MCF2: variants seen among roughly 807,000 people sequenced by gnomAD.
The protein encoded by MCF2 is proto-oncogene DBL.
A neutral mutation model predicts 82.5 loss-of-function variants in MCF2; 44 were observed. The ratio of observed to expected loss-of-function variants is 0.53; its 90% CI spans 0.42 to 0.69. MCF2 has a LOEUF of 0.69. Ranked by LOEUF, MCF2 falls within the 30% of genes least tolerant of loss-of-function variation. The pLI is 0.00. For synonymous variants in MCF2, 217 were observed against 224.9 expected (o/e 0.96, Z 0.32); for missense variants, 623 against 663.1 (o/e 0.94, Z 0.66).
chrX:139,671,781 TG>T (rs1159369684), intron 1 of MCF2, among the ~76,000 whole-genome samples: 2 of 112,006 alleles, frequency 1.8e-5, no homozygotes, highest in African/African-American at 6.5e-5. Flanking sequence ...GGCTTAGGAT[TG>T]TCTAGGCAAT....
intron 19 of MCF2, among the ~76,000 whole-genome samples, chrX:139,592,708 G>A (rs750924437): frequency 8.9e-6 from 1 of 111,754 alleles, no homozygotes; most frequent in African/African-American, 3.2e-5. Context: ...TAAAATCAAA[G>A]GAGCAACTGG....
intron 16 of MCF2, among the ~76,000 whole-genome samples, chrX:139,602,141 C>T (rs1334359749): frequency 9.0e-6 from 1 of 110,555 alleles, no homozygotes; most frequent in Non-Finnish European, 1.9e-5. Context: ...TCTTCATCTT[C>T]CATAGTATAA....
At chrX:139,595,686 C>T (rs1419059856) in intron 19 of MCF2, among the ~76,000 whole-genome samples, 1 of 107,089 alleles carries the variant, frequency 9.3e-6, no homozygotes, top group Admixed American at 1.0e-4. Flanking sequence ...ATGTAACTAA[C>T]CTGCACATTG....
intron 1 of MCF2, among the ~76,000 whole-genome samples, chrX:139,687,902 G>A (rs182728910): frequency 2.5e-4 from 28 of 111,696 alleles, no homozygotes; most frequent in African/African-American, 8.1e-4. Context: ...CATTAGTTGA[G>A]GTAGATTCCC....
intron 1 of MCF2, among the ~76,000 whole-genome samples, chrX:139,657,170 T>C (rs1373930172): frequency 1.8e-5 from 2 of 112,260 alleles, no homozygotes; most frequent in Non-Finnish European, 3.8e-5. Flanking sequence ...CACAATCAGA[T>C]ACAAATTGAA....
At chrX:139,701,313 C>T (rs965564517) in intron 1 of MCF2, among the ~76,000 whole-genome samples, 1 of 111,819 alleles carries the variant, frequency 8.9e-6, no homozygotes, top group Admixed American at 9.5e-5. Flanking sequence ...GTTACTTTTA[C>T]GTGTCAACTT....
intron 4 of MCF2, among the ~76,000 whole-genome samples, chrX:139,629,449 C>T (rs1603293743): frequency 8.9e-6 from 1 of 112,206 alleles, no homozygotes. Context: ...TCTTTTTCTG[C>T]AGCATTTATA....
chrX:139,597,120 T>G (rs916251933), intron 18 of MCF2, among the ~76,000 whole-genome samples: 1 of 111,438 alleles, frequency 9.0e-6, no homozygotes, highest in African/African-American at 3.3e-5. Flanking sequence ...ACACAAGTGC[T>G]AAAGATTTGA....
At chrX:139,681,305 G>A (rs1466967557) in intron 1 of MCF2, among the ~76,000 whole-genome samples, 1 of 111,440 alleles carries the variant, frequency 9.0e-6, no homozygotes, top group Non-Finnish European at 1.9e-5. Context: ...TGATAGCAGC[G>A]GCTGATGCTG....
intron 12 of MCF2, 111 bp from the exon 17 acceptor site, chrX:139,605,890 T>C (rs1930964953): frequency 1.9e-6 from 1 of 530,829 alleles, no homozygotes; most frequent in Non-Finnish European, 2.9e-6. Flanking sequence ...ATAGGAATTA[T>C]CAATGGTTTT....
intron 2 of MCF2, among the ~76,000 whole-genome samples, chrX:139,631,804 T>G (rs1217934740): frequency 8.9e-6 from 1 of 111,875 alleles, no homozygotes; most frequent in Non-Finnish European, 1.9e-5. Context: ...TCTAAAAGAA[T>G]GCTATGCTCA....
At chrX:139,655,820 A>C (rs1051503145) in intron 1 of MCF2, among the ~76,000 whole-genome samples, 12 of 111,362 alleles carry the variant, frequency 1.1e-4, no homozygotes, top group African/African-American at 3.6e-4. Context: ...AAAACTAATA[A>C]GGCTTCTTTC....
chrX:139,583,128 C>A (rs1391090374), intron 24 of MCF2, among the ~76,000 whole-genome samples: 1 of 111,261 alleles, frequency 9.0e-6, no homozygotes, highest in East Asian at 2.8e-4. Context: ...GGTAGCACAA[C>A]AAATTGAATG....
At chrX:139,595,116 T>G (rs1346518084) in intron 19 of MCF2, among the ~76,000 whole-genome samples, 9 of 109,365 alleles carry the variant, frequency 8.2e-5, no homozygotes, top group Admixed American at 2.9e-4. Context: ...GGAACACTTT[T>G]ACACTGTTAG....
At chrX:139,682,949 A>G (rs1296019844) in intron 1 of MCF2, among the ~76,000 whole-genome samples, 1 of 110,534 alleles carries the variant, frequency 9.0e-6, no homozygotes, top group African/African-American at 3.3e-5. Flanking sequence ...TTTTTTTTTG[A>G]GTTAGGGTCT....
At chrX:139,583,979 T>A (rs1310362291) in intron 24 of MCF2, among the ~76,000 whole-genome samples, 1 of 110,964 alleles carries the variant, frequency 9.0e-6, no homozygotes, top group East Asian at 2.8e-4. Flanking sequence ...ACTGTGAATA[T>A]TAATTGAGAA....
intron 1 of MCF2, among the ~76,000 whole-genome samples, chrX:139,663,977 G>A (rs182469898): frequency 9.1e-6 from 1 of 109,431 alleles, no homozygotes; most frequent in East Asian, 2.9e-4. Flanking sequence ...TTGTTTTTTG[G>A]GGTGGCTTTT....
At chrX:139,670,443 C>T (rs1203325237) in intron 1 of MCF2, among the ~76,000 whole-genome samples, 1 of 110,990 alleles carries the variant, frequency 9.0e-6, no homozygotes, top group Non-Finnish European at 1.9e-5. Flanking sequence ...GGTATTTCTC[C>T]TAATGCTATC....
chrX:139,616,295 G>C, exon 9 of MCF2: 1 of 1,108,578 alleles, frequency 9.0e-7, no homozygotes, highest in Non-Finnish European at 1.2e-6. Context: ...AAGCTCAGGA[G>C]ATAATATTAC....
Sources: gnomAD v4.1 joint callset for allele counts (sites outside exome capture counted in the v4.1 genomes callset) on GRCh38, gnomAD v4.1.1 for gene constraint, MANE v1.5 for transcripts, NCBI Gene and HGNC (gene_info 2026-07-23, HGNC 2026-07-21) for gene names.